Variants in COL18A1 observed in about 807,000 individuals in gnomAD.
The protein encoded by COL18A1 is collagen type XVIII alpha 1 chain.
Under a neutral mutation model 168.0 loss-of-function variants are expected in COL18A1, and 133 were observed. The ratio of observed to expected loss-of-function variants is 0.79; its 90% confidence interval spans 0.69 to 0.91. The LOEUF (loss-of-function observed/expected upper bound fraction) is 0.91, where lower values mean the gene tolerates loss of function less well. Among genes scored for constraint, COL18A1 ranks in the 40% least tolerant of loss-of-function variants. COL18A1 has a pLI of 0.00. For missense variants in COL18A1, 2,126 were observed against 1,925.4 expected (o/e 1.10, Z -1.95); for synonymous variants, 949 against 809.0 (o/e 1.17, Z -2.94).
chr21:45,505,230 C>CT lies in COL18A1; in HGVS notation c.2965_2966insT (p.Pro989LeufsTer98). The CT allele has an allele frequency of 6.3e-7, 1 of 1,594,414 alleles. No homozygotes were observed. ...CGAGGGGCGCCAGGGCCCTCCCGGC[C>CT]CCCCAGGCCCCCCAGGGCCCCCTTC... On this transcript the variant is annotated frameshift_variant, in exon 35 of 42. Transcript: ENST00000651438. LOFTEE classifies it high-confidence loss of function.
At chr21:45,441,592 C>T (rs1278110363) in intron 2 of COL18A1, among the ~76,000 whole-genome samples, 1 of 152,210 alleles carries the variant, frequency 6.6e-6, no homozygotes, top group Non-Finnish European at 1.5e-5. Context: ...GTTCATGTTC[C>T]CCCTGCTCCT....
chr21:45,455,833 C>T lies in COL18A1; in HGVS notation c.107-12409C>T, dbSNP rs149777818. On this transcript the variant is annotated intron_variant, in intron 2 of 41. Coordinates refer to ENST00000651438, the MANE Select transcript of COL18A1 (RefSeq NM_001379500.1). ...CCCCCACTTCTGCCGAGAGCCCGGA[C>T]GCGCCAGAGGAGAACATTGCCGGTG... 36 of 1,613,252 alleles carry T rather than the reference C, an allele frequency of 2.2e-5. No homozygotes were observed. Among genetic ancestry groups the T allele is most frequent in the South Asian group, 4.4e-5 (4 of 91,088 alleles).
At position 45,475,254 on chromosome 21, in the gene COL18A1, C is replaced by T. The variant is rs115398910; in HGVS notation, c.739-222C>T. Among the ~76,000 whole-genome samples, 547 of 152,338 alleles carry T rather than the reference C, an allele frequency of 3.6e-3. 1 individual carries two copies. The highest frequency in any genetic ancestry group is 0.013 in the African/African-American group (532 of 41,576). ...GCAGGTTCAGAAGCGTCACTGTCCT[C>T]GACCCGATTGGACACGACTTACTGA... On this transcript the variant is annotated intron_variant, in intron 4 of 41. Transcript: ENST00000651438.
At chr21:45,503,130 C>T (rs2036954379) in intron 32 of COL18A1, among the ~76,000 whole-genome samples, 2 of 152,100 alleles carry the variant, frequency 1.3e-5, no homozygotes, top group African/African-American at 4.8e-5. Flanking sequence ...GTTCTAGATC[C>T]CTGAGGAATC....
Position 45,497,600 on chromosome 21 carries a change from G to T in COL18A1, c.2622G>T (p.Gly874=). ...SSRPGPPGLP[G]NQGPPGPKGA... ...GGCACTGGGTCTCTCTTCCTCCAGG[G>T]AATCAGGGCCCTCCAGGACCCAAGG... is the stretch of plus-strand genomic sequence containing the variant. The change falls in exon 32 of 42, where the codon GGG becomes GGT. Residue 874 remains glycine (G), a splice_region_variant and synonymous_variant. Coordinates refer to ENST00000651438, the MANE Select transcript of COL18A1 (RefSeq NM_001379500.1). 2 of 1,561,124 alleles carry T rather than the reference G, an allele frequency of 1.3e-6. No individual in the cohort carries two copies. Among genetic ancestry groups the T allele is most frequent in the Non-Finnish European group, 8.7e-7 (1 of 1,153,016 alleles).
intron 2 of COL18A1, among the ~76,000 whole-genome samples, chr21:45,426,321 T>C (rs534175322): frequency 2.0e-5 from 3 of 152,288 alleles, no homozygotes; most frequent in Admixed American, 2.0e-4. Flanking sequence ...GCCAGGCTGG[T>C]CTCGAACTCC....
rs553996288 is a variant in COL18A1, at chr21:45,454,660, C to T, written c.107-13582C>T. ...GCCGATGGCCAGGCTGCACACAGGT[C>T]CTCAGAGGGCATAAGGCACACTCAG... On this transcript the variant is annotated intron_variant, in intron 2 of 41. Coordinates refer to ENST00000651438, the MANE Select transcript of COL18A1 (RefSeq NM_001379500.1). Among the ~76,000 whole-genome samples, 195 of 152,328 alleles carry T rather than the reference C, an allele frequency of 1.3e-3. 1 individual carries two copies. Among genetic ancestry groups the T allele is most frequent in the African/African-American group, 4.5e-3 (189 of 41,586 alleles).
intron 29 of COL18A1, 68 bp downstream of exon 29, chr21:45,495,500 C>T: frequency 7.3e-7 from 1 of 1,372,950 alleles, no homozygotes. Context: ...CTGGCCACAG[C>T]CTGGGGTCCT....
intron 6 of COL18A1, 33 bp from the exon 7 acceptor site, chr21:45,477,378 C>G (rs532230866): frequency 6.3e-7 from 1 of 1,585,816 alleles, no homozygotes; most frequent in African/African-American, 1.3e-5. Flanking sequence ...ACCCGGGGGG[C>G]GTGACCGTGG....
At chr21:45,494,663 G>A (rs1475269515) in intron 27 of COL18A1, 92 bp downstream of exon 27, 19 of 1,561,358 alleles carry the variant, frequency 1.2e-5, no homozygotes, top group South Asian at 4.4e-5. Context: ...TGTGCTGTGC[G>A]GCCCAGGGCT....
chr21:45,422,492 G>A, intron 2 of COL18A1: 1 of 527,410 alleles, frequency 1.9e-6, no homozygotes, highest in South Asian at 1.4e-5. Flanking sequence ...CCAGGAGCCG[G>A]GGCCTTTGCG....
rs551229303 is a variant in COL18A1, at chr21:45,503,351, T to C, written c.2684-660T>C. Among the ~76,000 whole-genome samples the C allele has an allele frequency of 2.0e-4, 31 of 152,242 alleles. No individual in the cohort carries two copies. The East Asian group carries it at 6.0e-3, about 29-fold the overall frequency. On this transcript the variant is annotated intron_variant, in intron 32 of 41. Transcript: ENST00000651438. The stretch of plus-strand genomic sequence containing the variant: ...GATGAGCATTTTTTCATGTGTTTTT[T>C]GGCTGCATAAATGTCTTCTTTTGAG...
chr21:45,458,414 G>T (rs571907389), intron 2 of COL18A1, among the ~76,000 whole-genome samples: 1 of 152,110 alleles, frequency 6.6e-6, no homozygotes, highest in African/African-American at 2.4e-5. Flanking sequence ...TGAGGCAGGG[G>T]CTGTGCCCGC....
At chr21:45,409,526 C>A (rs569703316) in intron 2 of COL18A1, among the ~76,000 whole-genome samples, 1 of 152,182 alleles carries the variant, frequency 6.6e-6, no homozygotes, top group Admixed American at 6.5e-5. Context: ...GGCACCTGCC[C>A]AGAATGACTG....
At chr21:45,469,937 A>G (rs1054991464) in intron 3 of COL18A1, among the ~76,000 whole-genome samples, 1 of 152,068 alleles carries the variant, frequency 6.6e-6, no homozygotes, top group Non-Finnish European at 1.5e-5. Context: ...AAACATGATT[A>G]CCGGGAAAGA....
chr21:45,509,331 C>G (rs930401118), intron 38 of COL18A1, 25 bp from the exon 39 acceptor site: 1 of 1,541,976 alleles, frequency 6.5e-7, no homozygotes, highest in Non-Finnish European at 8.7e-7. Flanking sequence ...CCCCCGCCGA[C>G]AGGCCCCACG....
At chr21:45,421,508 C>T (rs758106909) in intron 2 of COL18A1, 18 of 534,506 alleles carry the variant, frequency 3.4e-5, no homozygotes, top group South Asian at 9.8e-5. Context: ...CAAGGCTCCA[C>T]GCGGGTCAGC....
intron 37 of COL18A1, chr21:45,507,021 GAC>G (rs1181875871): frequency 1.3e-5 from 4 of 309,660 alleles, no homozygotes; most frequent in African/African-American, 8.7e-5. Context: ...CTTTGGTCCT[GAC>G]AGGAGGAGGC....
intron 2 of COL18A1, among the ~76,000 whole-genome samples, chr21:45,412,330 G>A (rs779826656): frequency 6.6e-6 from 1 of 150,726 alleles, no homozygotes; most frequent in African/African-American, 2.4e-5. Context: ...TCCATCTTCC[G>A]GGCTCAAGCG....
Sources: allele counts gnomAD v4.1 joint callset (sites outside exome capture counted in the v4.1 genomes callset), GRCh38; gene constraint gnomAD v4.1.1; transcripts MANE v1.5; gene names NCBI Gene and HGNC (gene_info 2026-07-23, HGNC 2026-07-21).